LRP1B: variants seen among roughly 807,000 people sequenced by gnomAD.
LRP1B encodes low-density lipoprotein receptor-related protein 1B.
Under a neutral mutation model 556.6 loss-of-function variants are expected in LRP1B, and 217 were observed. The ratio of observed to expected loss-of-function variants is 0.39; its 90% CI spans 0.35 to 0.44. The LOEUF (loss-of-function observed/expected upper bound fraction) is 0.44, where lower values mean the gene tolerates loss of function less well. LRP1B is among the 20% of genes least tolerant of loss of function. LRP1B has a pLI of 1.00. For synonymous variants in LRP1B, 2,047 were observed against 1,865.8 expected, an observed-to-expected ratio of 1.10 and a Z score of -2.50; for missense variants, 5,053 against 5,620.8, an observed-to-expected ratio of 0.90 and a Z score of 3.23.
At chr2:140,962,304 T>C (rs555166371) in intron 18 of LRP1B, among the ~76,000 whole-genome samples, 1 of 152,168 alleles carries the variant, frequency 6.6e-6, no homozygotes, top group Non-Finnish European at 1.5e-5. Flanking sequence ...CTATCCCCCA[T>C]GCAACCTTCT....
rs1224222192 is a variant in LRP1B at position 141,094,764 on chromosome 2, A to C, written c.1014-32491T>G. 2.6e-5 allele frequency among the ~76,000 whole-genome samples: 4 copies of C among 152,160 alleles called. No homozygotes were observed. The East Asian group carries it at 7.7e-4, about 29-fold the overall frequency. ...CTCAGGCCATACAGCTGTTGTCTAG[A>C]AACTCAAGGAAGAATTTTAAGTTTA... On this transcript the variant is annotated intron_variant, in intron 7 of 90. Coordinates refer to ENST00000389484, the MANE Select transcript of LRP1B (RefSeq NM_018557.3).
At chr2:140,510,739 T>A (rs899685444) in intron 51 of LRP1B, among the ~76,000 whole-genome samples, 1 of 152,348 alleles carries the variant, frequency 6.6e-6, no homozygotes, top group South Asian at 2.1e-4. Context: ...AATTGGAATC[T>A]ACCTTTGCTC....
intron 66 of LRP1B, among the ~76,000 whole-genome samples, chr2:140,412,632 GAA>G (rs1050183979): frequency 1.1e-4 from 17 of 151,966 alleles, no homozygotes; most frequent in Admixed American, 7.9e-4. Flanking sequence ...ATCATTTTGA[GAA>G]CGTAATTGTA....
At chr2:140,708,269 G>A (rs1686911138) in intron 37 of LRP1B, among the ~76,000 whole-genome samples, 1 of 151,176 alleles carries the variant, frequency 6.6e-6, no homozygotes, top group Non-Finnish European at 1.5e-5. Context: ...TTTTCTTTTA[G>A]GCAAAAATAA....
At chr2:141,462,221 C>T (rs572185088) in intron 3 of LRP1B, among the ~76,000 whole-genome samples, 1 of 152,140 alleles carries the variant, frequency 6.6e-6, no homozygotes. Context: ...ACATTAATGG[C>T]ACCAAGTCAG....
chr2:141,333,583 T>C (rs1442001651), intron 3 of LRP1B, among the ~76,000 whole-genome samples: 2 of 152,220 alleles, frequency 1.3e-5, no homozygotes, highest in African/African-American at 4.8e-5. Flanking sequence ...TTACAAATTA[T>C]GTTTGCTCTT....
At chr2:141,015,451 T>C (rs189104046) in intron 13 of LRP1B, among the ~76,000 whole-genome samples, 181 of 152,132 alleles carry the variant, frequency 1.2e-3, no homozygotes, top group Admixed American at 2.7e-3. Flanking sequence ...AGCTCTGATA[T>C]CCTGAGAGCT....
chr2:140,487,529 A>T (rs1688518792), intron 58 of LRP1B, 88 bp downstream of exon 58: 3 of 1,281,460 alleles, frequency 2.3e-6, no homozygotes, highest in Non-Finnish European at 3.3e-6. Context: ...TTTATGAGTA[A>T]TATCATGGTC....
At chr2:140,603,970 A>G (rs2105206256) in intron 41 of LRP1B, among the ~76,000 whole-genome samples, 1 of 152,182 alleles carries the variant, frequency 6.6e-6, no homozygotes, top group East Asian at 1.9e-4. Flanking sequence ...GTGTGTGTGC[A>G]CACACATCTG....
intron 77 of LRP1B, among the ~76,000 whole-genome samples, chr2:140,350,288 A>G (rs1573829643): frequency 6.6e-6 from 1 of 152,204 alleles, no homozygotes; most frequent in African/African-American, 2.4e-5. Flanking sequence ...ACACAAGTGC[A>G]CAATATTTCT....
intron 3 of LRP1B, among the ~76,000 whole-genome samples, chr2:141,477,143 A>ACAAAC (rs1682741359): frequency 6.6e-6 from 1 of 150,894 alleles, no homozygotes; most frequent in African/African-American, 2.4e-5. Context: ...CAAACAAACA[A>ACAAAC]AAAAAACCCC....
At chr2:141,456,541 T>C (rs930747097) in intron 3 of LRP1B, among the ~76,000 whole-genome samples, 1 of 152,246 alleles carries the variant, frequency 6.6e-6, no homozygotes, top group Admixed American at 6.5e-5. Flanking sequence ...TCCTCACACC[T>C]ATTACATGGG....
chr2:140,255,603 G>C (rs1249449274), intron 86 of LRP1B, among the ~76,000 whole-genome samples: 3 of 152,132 alleles, frequency 2.0e-5, no homozygotes, highest in African/African-American at 7.2e-5. Context: ...ACAGTATCCA[G>C]TAAATACTCA....
intron 36 of LRP1B, 95 bp downstream of exon 36, chr2:140,716,587 G>A (rs934849259): frequency 6.5e-5 from 80 of 1,236,370 alleles, no homozygotes; most frequent in Non-Finnish European, 8.6e-5. Context: ...ACAAATAAAA[G>A]CACTGTTATG....
At chr2:140,287,204 T>A (rs1387458618) in intron 84 of LRP1B, among the ~76,000 whole-genome samples, 1 of 151,790 alleles carries the variant, frequency 6.6e-6, no homozygotes, top group Non-Finnish European at 1.5e-5. Flanking sequence ...TTTTAAAACA[T>A]TTTATTTATT....
intron 7 of LRP1B, among the ~76,000 whole-genome samples, chr2:141,069,645 T>A (rs1699580272): frequency 6.6e-6 from 1 of 152,076 alleles, no homozygotes; most frequent in Non-Finnish European, 1.5e-5. Context: ...GGCTACACTT[T>A]ACTGCAGCTG....
At chr2:140,728,924 C>T (rs1687684821) in intron 35 of LRP1B, among the ~76,000 whole-genome samples, 1 of 151,810 alleles carries the variant, frequency 6.6e-6, no homozygotes, top group African/African-American at 2.4e-5. Context: ...TGTTAAATAC[C>T]TAGCATTTAA....
At chr2:140,873,246 C>A (rs559717581) in intron 25 of LRP1B, among the ~76,000 whole-genome samples, 1 of 152,096 alleles carries the variant, frequency 6.6e-6, no homozygotes, top group Non-Finnish European at 1.5e-5. Context: ...AAAGTATAAA[C>A]CCAGCCCAAG....
At chr2:141,765,726 G>C (rs922290898) in intron 2 of LRP1B, among the ~76,000 whole-genome samples, 9 of 152,142 alleles carry the variant, frequency 5.9e-5, no homozygotes, top group African/African-American at 1.9e-4. Context: ...AGTTTCAAAG[G>C]GAGCAAAGGT....
Sources: gnomAD v4.1 joint callset for allele counts (sites outside exome capture counted in the v4.1 genomes callset) on GRCh38, gnomAD v4.1.1 for gene constraint, MANE v1.5 for transcripts, NCBI Gene and HGNC (gene_info 2026-07-23, HGNC 2026-07-21) for gene names.